The following ZNF451 variants were observed in gnomAD, a reference collection of about 807,000 sequenced individuals.
ZNF451 encodes zinc finger protein 451.
ZNF451 carries 80 observed loss-of-function variants against 107.1 expected under a neutral mutation model. The observed-to-expected ratio is 0.75, with a 90% confidence interval of 0.62 to 0.90. The LOEUF is 0.90. ZNF451 is among the 40% of genes least tolerant of loss of function. The probability of loss-of-function intolerance (pLI) is 0.00; values close to 1 mark genes in which losing one functional copy is unlikely to be tolerated. For missense variants in ZNF451, 1,107 were observed against 1,236.2 expected (o/e 0.90, Z 1.57); for synonymous variants, 362 against 406.5 (o/e 0.89, Z 1.32).
intron 7 of ZNF451, among the ~76,000 whole-genome samples, chr6:57,139,091 A>G (rs1254723210): frequency 1.3e-5 from 2 of 152,256 alleles, no homozygotes; most frequent in African/African-American, 4.8e-5. Context: ...ATTGGTGGTT[A>G]CTAAATGCCT....
intron 3 of ZNF451, chr6:57,106,165 C>G: frequency 1.0e-6 from 1 of 985,290 alleles, no homozygotes; most frequent in South Asian, 4.7e-5. Context: ...ATCCCTTTGT[C>G]TGGTAAAATT....
At chr6:57,122,192 G>A (rs1830673637) in intron 3 of ZNF451, among the ~76,000 whole-genome samples, 1 of 152,042 alleles carries the variant, frequency 6.6e-6, no homozygotes, top group South Asian at 2.1e-4. Flanking sequence ...ATTCAGAAGT[G>A]TAAAATTAGA....
intron 14 of ZNF451, among the ~76,000 whole-genome samples, chr6:57,163,465 T>A (rs1222622866): frequency 8.4e-6 from 1 of 118,532 alleles, no homozygotes; most frequent in Non-Finnish European, 1.8e-5. Flanking sequence ...TTTTTTTTTT[T>A]TTTGAGACGG....
chr6:57,102,792 C>A, intron 3 of ZNF451: 1 of 985,418 alleles, frequency 1.0e-6, no homozygotes, highest in African/African-American at 1.7e-5. Context: ...AAGACTTCTA[C>A]CTGTAACATC....
chr6:57,160,377 A>G (rs1172578368), intron 13 of ZNF451, among the ~76,000 whole-genome samples: 2 of 150,852 alleles, frequency 1.3e-5, no homozygotes, highest in Non-Finnish European at 2.9e-5. Flanking sequence ...CTTGTCACTC[A>G]GGTTGGAATG....
At chr6:57,132,838 G>A (rs1425016849) in intron 5 of ZNF451, among the ~76,000 whole-genome samples, 1 of 152,050 alleles carries the variant, frequency 6.6e-6, no homozygotes, top group Admixed American at 6.5e-5. Flanking sequence ...GCTACTTGGT[G>A]ATATTAAGGG....
intron 3 of ZNF451, among the ~76,000 whole-genome samples, chr6:57,120,188 T>C (rs1239363775): frequency 1.3e-5 from 2 of 152,216 alleles, no homozygotes; most frequent in African/African-American, 2.4e-5. Flanking sequence ...CCTTTTCAGA[T>C]TGGCTTCTTT....
In ZNF451 at chr6:57,148,546, G is replaced by T. The variant is rs544459461; in HGVS notation, c.2461G>T (p.Ala821Ser). Residue 821 changes from alanine (A) to serine (S), a missense_variant, in exon 10 of 15, where the codon GCT (alanine) becomes TCT (serine). Transcript: ENST00000370706. ...TTGCTTCTTACAGAAACCCAGTGTG[G>T]CTCATTTTGGATCTGAAAAATCAAA... ...KHCFLQKPSV[A>S]HFGSEKSNLY... The T allele has an allele frequency of 1.5e-5, 25 of 1,614,080 alleles. No individual in the cohort carries two copies. The East Asian group carries it at 5.1e-4, about 33-fold the overall frequency.
intron 12 of ZNF451, among the ~76,000 whole-genome samples, chr6:57,152,819 C>T (rs1446761772): frequency 6.6e-6 from 1 of 152,166 alleles, no homozygotes; most frequent in Admixed American, 6.5e-5. Flanking sequence ...GTCTCAAACT[C>T]CTGGCCTCAA....
At position 57,169,662 on chromosome 6, in the gene ZNF451, A is replaced by G. The variant is rs912678200; in HGVS notation, c.*1193A>G. The G allele has an allele frequency of 1.3e-5, 2 of 152,064 alleles. No homozygotes were observed. The highest frequency in any genetic ancestry group is 4.8e-5 in the African/African-American group (2 of 41,410). 9.4% of individuals were successfully genotyped at this position (152,064 alleles called of 1,614,324 possible). ...ACTAAATATTTTAGTGTGAAATTGA[A>G]TTTTTTTATTACTATAGTCTTTTCA... On this transcript the variant is annotated 3_prime_UTR_variant, in exon 15 of 15. Transcript: ENST00000370706.
chr6:57,148,766 T>A, intron 10 of ZNF451, 73 bp downstream of exon 10: 1 of 1,415,784 alleles, frequency 7.1e-7, no homozygotes, highest in Non-Finnish European at 9.4e-7. Context: ...CTCGATTCAA[T>A]TTTGAAGCAA....
chr6:57,103,236 A>T lies in ZNF451; in HGVS notation c.186+4095A>T, dbSNP rs187568123. 8.7e-4 allele frequency: 857 copies of T among 985,456 alleles called. 9 individuals carry two copies. In the African/African-American group the frequency reaches 0.014, roughly 16 times the overall value. 61.0% of individuals were successfully genotyped at this position (985,456 alleles called of 1,614,324 possible). On this transcript the variant is annotated intron_variant, in intron 3 of 14. Transcript: ENST00000370706. ...GTCTAGATTTTATTGAGAATCCTTAAGATTTAAAGCATAGCTGTGGATGTG... is the reference window on the plus strand; with the variant it reads ...GTCTAGATTTTATTGAGAATCCTTATGATTTAAAGCATAGCTGTGGATGTG...
intron 2 of ZNF451, among the ~76,000 whole-genome samples, chr6:57,095,310 T>C (rs896541762): frequency 6.6e-6 from 1 of 151,684 alleles, no homozygotes; most frequent in African/African-American, 2.4e-5. Context: ...TTCTCAATTT[T>C]GGATTTTCTG....
At chr6:57,117,217 C>T (rs1412550945) in intron 3 of ZNF451, among the ~76,000 whole-genome samples, 1 of 152,080 alleles carries the variant, frequency 6.6e-6, no homozygotes, top group Admixed American at 6.5e-5. Flanking sequence ...ATTTGTGTTA[C>T]AGCTGTTGGT....
chr6:57,103,747 T>C (rs1009916147), intron 3 of ZNF451: 1 of 985,358 alleles, frequency 1.0e-6, no homozygotes. Context: ...GGCACTGTTT[T>C]ACGGTTTATG....
chr6:57,137,431 T>C (rs1164572332), intron 7 of ZNF451, among the ~76,000 whole-genome samples: 1 of 152,236 alleles, frequency 6.6e-6, no homozygotes, highest in Non-Finnish European at 1.5e-5. Flanking sequence ...GGAAATTTTG[T>C]TAAAATGCAG....
At chr6:57,114,401 C>T (rs1165023702) in intron 3 of ZNF451, among the ~76,000 whole-genome samples, 6 of 152,046 alleles carry the variant, frequency 3.9e-5, no homozygotes, top group African/African-American at 1.2e-4. Context: ...AAAATATATA[C>T]AAATTTGTGT....
intron 12 of ZNF451, 85 bp downstream of exon 12, chr6:57,152,436 T>C (rs902373011): frequency 2.1e-5 from 31 of 1,468,786 alleles, no homozygotes; most frequent in Admixed American, 1.7e-4. Context: ...ATGAGACTTA[T>C]AGATCATTCT....
chr6:57,143,480 A>G (rs1453644829), intron 9 of ZNF451, among the ~76,000 whole-genome samples: 1 of 152,066 alleles, frequency 6.6e-6, no homozygotes, highest in East Asian at 1.9e-4. Flanking sequence ...TAATTTGCTT[A>G]TCTTTGTCTA....
Sources: gnomAD v4.1 joint callset for allele counts (sites outside exome capture counted in the v4.1 genomes callset) on GRCh38, gnomAD v4.1.1 for gene constraint, MANE v1.5 for transcripts, NCBI Gene and HGNC (gene_info 2026-07-23, HGNC 2026-07-21) for gene names.